Variants in GAS7 observed in about 807,000 individuals in gnomAD.
The protein encoded by GAS7 is growth arrest specific 7.
Under a neutral mutation model 71.1 loss-of-function variants are expected in GAS7, and 28 were observed. The observed-to-expected ratio is 0.39, with a 90% CI of 0.29 to 0.54. The LOEUF (loss-of-function observed/expected upper bound fraction) is 0.54. Among genes scored for constraint, GAS7 ranks in the 20% least tolerant of loss-of-function variants. GAS7 has a pLI of 0.62. For missense variants in GAS7, 436 were observed against 627.8 expected, an observed-to-expected ratio of 0.69 and a Z score of 3.27; for synonymous variants, 258 against 245.8, an observed-to-expected ratio of 1.05 and a Z score of -0.46.
At chr17:10,019,067 C>G (rs1454894632) in intron 2 of GAS7, among the ~76,000 whole-genome samples, 1 of 152,170 alleles carries the variant, frequency 6.6e-6, no homozygotes, top group Non-Finnish European at 1.5e-5. Flanking sequence ...GTTACAGAAC[C>G]TGCCACGTGG....
At chr17:10,180,930 C>T in intron 1 of GAS7, among the ~76,000 whole-genome samples, 1 of 151,404 alleles carries the variant, frequency 6.6e-6, no homozygotes, top group Non-Finnish European at 1.5e-5. Context: ...ACGCTAAAGG[C>T]TTAAAAGATC....
intron 8 of GAS7, among the ~76,000 whole-genome samples, chr17:9,939,239 C>T (rs2068509537): frequency 6.6e-6 from 1 of 152,134 alleles, no homozygotes. Flanking sequence ...AGCGGCTGTA[C>T]CATATTCCAT....
chr17:10,053,878 G>A (rs1307560290), intron 1 of GAS7, among the ~76,000 whole-genome samples: 2 of 152,138 alleles, frequency 1.3e-5, no homozygotes, highest in Admixed American at 6.5e-5. Context: ...GCATCAGAGC[G>A]GTGATTCTCA....
intron 1 of GAS7, among the ~76,000 whole-genome samples, chr17:10,029,399 G>A (rs372687031): frequency 6.6e-6 from 1 of 152,210 alleles, no homozygotes; most frequent in Non-Finnish European, 1.5e-5. Context: ...GAAGAATGAC[G>A]AAATCACGGC....
At chr17:10,066,216 T>C (rs1260275369) in intron 1 of GAS7, among the ~76,000 whole-genome samples, 1 of 152,170 alleles carries the variant, frequency 6.6e-6, no homozygotes, top group East Asian at 1.9e-4. Flanking sequence ...CAGGCTAATT[T>C]GTCGCCCAAG....
intron 1 of GAS7, among the ~76,000 whole-genome samples, chr17:10,091,715 T>G (rs1295298101): frequency 1.3e-5 from 2 of 152,126 alleles, no homozygotes; most frequent in Non-Finnish European, 2.9e-5. Context: ...AGAGTCTAGC[T>G]GTGTCACCCA....
chr17:10,081,210 G>A (rs954115065), intron 1 of GAS7, among the ~76,000 whole-genome samples: 4 of 152,072 alleles, frequency 2.6e-5, no homozygotes, highest in Non-Finnish European at 5.9e-5. Context: ...GCTGGAGTGC[G>A]ATGGCGCGAT....
intron 1 of GAS7, among the ~76,000 whole-genome samples, chr17:10,184,859 C>A (rs1016067599): frequency 4.6e-5 from 7 of 151,990 alleles, no homozygotes; most frequent in Non-Finnish European, 8.8e-5. Context: ...GATTTTTGAG[C>A]CCCACCTGCT....
At chr17:9,980,980 C>G (rs1472017614) in intron 3 of GAS7, among the ~76,000 whole-genome samples, 1 of 152,152 alleles carries the variant, frequency 6.6e-6, no homozygotes, top group African/African-American at 2.4e-5. Flanking sequence ...CCTGAACAAA[C>G]CTCCCACCTA....
chr17:10,018,995 T>G (rs2072153351), intron 2 of GAS7, among the ~76,000 whole-genome samples: 1 of 152,334 alleles, frequency 6.6e-6, no homozygotes, highest in Non-Finnish European at 1.5e-5. Context: ...TCTGTTCAGC[T>G]GGTTTACCCT....
At chr17:10,125,450 G>A (rs116960855) in intron 1 of GAS7, among the ~76,000 whole-genome samples, 4,960 of 147,602 alleles carry the variant, frequency 0.034, 117 homozygotes, top group Non-Finnish European at 0.055. Context: ...ATGGGAGGCA[G>A]ATGTTGCTGT....
intron 3 of GAS7, among the ~76,000 whole-genome samples, chr17:9,975,479 C>CGT: frequency 6.7e-6 from 1 of 149,306 alleles, no homozygotes; most frequent in Admixed American, 6.6e-5. Context: ...CTTCGGGCTT[C>CGT]TTTTTCCTTC....
rs76652339 is a variant in GAS7, at chr17:9,934,326, C to T, written c.807-82G>A. The T allele has an allele frequency of 8.9e-3, 8,206 of 920,936 alleles. 149 individuals carry two copies. Among genetic ancestry groups the T allele is most frequent in the East Asian group, 0.066 (2,543 of 38,612 alleles). 57.0% of individuals were successfully genotyped at this position (920,936 alleles called of 1,614,324 possible). On this transcript the variant is annotated intron_variant, in intron 8 of 13. Coordinates refer to ENST00000432992, the MANE Select transcript of GAS7 (RefSeq NM_201433.2). ...GATGGTGGGGCTCCACCCCAGGTCT[C>T]GGGGAGGTATATGACAGCTGAGAAT...
At chr17:9,963,095 A>AG (rs1244858723) in intron 4 of GAS7, among the ~76,000 whole-genome samples, 1 of 152,032 alleles carries the variant, frequency 6.6e-6, no homozygotes, top group Non-Finnish European at 1.5e-5. Flanking sequence ...GCAACGAGAC[A>AG]GGCAACAACT....
intron 2 of GAS7, among the ~76,000 whole-genome samples, chr17:9,996,591 ATATG>A (rs1488769185): frequency 3.2e-5 from 4 of 124,924 alleles, no homozygotes; most frequent in African/African-American, 1.1e-4. Flanking sequence ...GACTATATAT[ATATG>A]TGTGTGTGTG....
At chr17:9,958,861 T>C (rs1192295751) in intron 5 of GAS7, 1 of 512,310 alleles carries the variant, frequency 2.0e-6, no homozygotes, top group East Asian at 6.0e-5. Context: ...TGGCTGTAAT[T>C]TACACGTCAC....
chr17:10,028,376 T>G (rs1362895823), intron 1 of GAS7, among the ~76,000 whole-genome samples: 1 of 152,142 alleles, frequency 6.6e-6, no homozygotes, highest in Non-Finnish European at 1.5e-5. Context: ...CTCAAATAAA[T>G]AAATACATTC....
Position 9,917,345 on chromosome 17 carries a change from C to A in GAS7, c.1318-4G>T, listed in dbSNP as rs746438802. ...GCTGATCCACGGGCTCGACTGTCTG[C>A]AAGAGACAGAGAAAATGCGACACTG... On this transcript the variant is annotated splice_polypyrimidine_tract_variant and splice_region_variant and intron_variant, in intron 13 of 13. Transcript: ENST00000432992. The A allele has an allele frequency of 1.2e-6, 2 of 1,603,252 alleles. No individual in the cohort carries two copies. The highest frequency in any genetic ancestry group is 3.3e-5 in the Admixed American group (2 of 60,032).
chr17:10,151,362 T>C (rs2074165377), intron 1 of GAS7, among the ~76,000 whole-genome samples: 1 of 152,100 alleles, frequency 6.6e-6, no homozygotes, highest in Non-Finnish European at 1.5e-5. Flanking sequence ...TTGTCACTGA[T>C]GAAGCTCAGA....
Sources: allele counts gnomAD v4.1 joint callset (sites outside exome capture counted in the v4.1 genomes callset), GRCh38; gene constraint gnomAD v4.1.1; transcripts MANE v1.5; gene names NCBI Gene and HGNC (gene_info 2026-07-23, HGNC 2026-07-21).